CCDC93: variants seen among roughly 807,000 people sequenced by gnomAD.
CCDC93 encodes coiled-coil domain-containing protein 93.
CCDC93 carries 61 observed loss-of-function variants against 108.2 expected under a neutral mutation model. The observed-to-expected ratio is 0.56, with a 90% CI of 0.46 to 0.70. The LOEUF (loss-of-function observed/expected upper bound fraction) is 0.70. Ranked by LOEUF, CCDC93 falls within the 30% of genes least tolerant of loss-of-function variation. CCDC93 has a pLI of 0.00. For synonymous variants in CCDC93, 276 were observed against 260.4 expected, an observed-to-expected ratio of 1.06 and a Z score of -0.58; for missense variants, 685 against 764.2, an observed-to-expected ratio of 0.90 and a Z score of 1.22.
At chr2:117,939,900 G>C (rs905669661) in intron 19 of CCDC93, among the ~76,000 whole-genome samples, 2 of 152,222 alleles carry the variant, frequency 1.3e-5, no homozygotes, top group Non-Finnish European at 2.9e-5. Flanking sequence ...AGATGTGCAA[G>C]AGGGGTGAAG....
intron 6 of CCDC93, among the ~76,000 whole-genome samples, chr2:117,991,606 T>C (rs1366904084): frequency 6.6e-6 from 1 of 152,202 alleles, no homozygotes; most frequent in Admixed American, 6.5e-5. Context: ...ATATAACTCC[T>C]GGAGTGTTAA....
chr2:118,003,510 G>C (rs1676773568), intron 3 of CCDC93, among the ~76,000 whole-genome samples: 1 of 152,134 alleles, frequency 6.6e-6, no homozygotes, highest in South Asian at 2.1e-4. Flanking sequence ...GGTTCAGCAG[G>C]AGGAGAGCTC....
In CCDC93 at chr2:117,923,007, C is replaced by CAA. The variant is rs34776554; in HGVS notation, c.1843-2613_1843-2612dup. 5.3e-4 allele frequency among the ~76,000 whole-genome samples: 71 copies of CAA among 132,930 alleles called. 1 individual carries two copies. The South Asian group carries it at 7.3e-3, about 14-fold the overall frequency. 87.2% of individuals were successfully genotyped at this position (132,930 alleles called of 152,430 possible). On this transcript the variant is annotated intron_variant, in intron 23 of 23. Coordinates refer to ENST00000376300, the MANE Select transcript of CCDC93 (RefSeq NM_019044.5). ...TTAAATTTTTGCCAAGTAATATGTT[C>CAA]AAAAAAAAAAAAGGACTACCCACCA... is the stretch of plus-strand genomic sequence containing the variant.
Position 117,916,659 on chromosome 2 carries a change from G to A in CCDC93, c.*3684C>T, listed in dbSNP as rs1677694990. ...TGCGCAGGGCCACTGGACATGGGCAGGCAATGGGGACGGATGTAAGGCTGG... is the reference window on the plus strand; with the variant it reads ...TGCGCAGGGCCACTGGACATGGGCAAGCAATGGGGACGGATGTAAGGCTGG... On this transcript the variant is annotated 3_prime_UTR_variant, in exon 24 of 24. Transcript: ENST00000376300. 6.6e-6 allele frequency: 1 copy of A among 152,232 alleles called. No homozygotes were observed. Among genetic ancestry groups the A allele is most frequent in the African/African-American group, 2.4e-5 (1 of 41,460 alleles). The allele number at this position is 152,232 out of a possible 1,614,324, so 9.4% of individuals were successfully genotyped here.
At chr2:117,970,458 A>T (rs894319743) in intron 11 of CCDC93, among the ~76,000 whole-genome samples, 8 of 132,816 alleles carry the variant, frequency 6.0e-5, no homozygotes, top group African/African-American at 1.0e-4. Context: ...AAACAAGAAT[A>T]AAAAAAAAAG....
At chr2:117,980,829 T>C (rs534212227) in intron 7 of CCDC93, among the ~76,000 whole-genome samples, 2 of 152,326 alleles carry the variant, frequency 1.3e-5, no homozygotes, top group Admixed American at 6.5e-5. Flanking sequence ...AAAGAAACTC[T>C]GTTACTATTA....
chr2:117,922,549 C>A (rs982407410), intron 23 of CCDC93, among the ~76,000 whole-genome samples: 4 of 152,174 alleles, frequency 2.6e-5, no homozygotes, highest in Non-Finnish European at 5.9e-5. Flanking sequence ...GCCCACGGTG[C>A]ATAACTGTTG....
intron 22 of CCDC93, among the ~76,000 whole-genome samples, chr2:117,933,233 C>T (rs1678403082): frequency 6.6e-6 from 1 of 152,198 alleles, no homozygotes; most frequent in Non-Finnish European, 1.5e-5. Flanking sequence ...AATGATCCAT[C>T]ACCTGGTCTA....
chr2:117,976,996 C>T (rs1351704063), intron 8 of CCDC93, among the ~76,000 whole-genome samples: 2 of 146,616 alleles, frequency 1.4e-5, no homozygotes, highest in South Asian at 2.2e-4. Context: ...AGTGCAGTGG[C>T]GCGATCTTGG....
At chr2:117,995,894 T>G in intron 5 of CCDC93, 1 of 163,656 alleles carries the variant, frequency 6.1e-6, no homozygotes, top group Middle Eastern at 2.9e-3. Context: ...AGCCATAAGA[T>G]GTGCTGAGAC....
chr2:117,989,303 G>A (rs937058564), intron 6 of CCDC93, among the ~76,000 whole-genome samples: 14 of 152,104 alleles, frequency 9.2e-5, no homozygotes, highest in Admixed American at 9.2e-4. Context: ...AGACACATGA[G>A]CCTCCTCTAT....
intron 11 of CCDC93, among the ~76,000 whole-genome samples, chr2:117,970,748 G>C (rs1558788487): frequency 6.6e-6 from 1 of 152,058 alleles, no homozygotes; most frequent in Non-Finnish European, 1.5e-5. Flanking sequence ...AACCATCTTC[G>C]ATCCTCTCAG....
At chr2:117,994,999 A>G (rs1402885189) in intron 6 of CCDC93, among the ~76,000 whole-genome samples, 1 of 152,132 alleles carries the variant, frequency 6.6e-6, no homozygotes, top group Non-Finnish European at 1.5e-5. Context: ...ACTCATTGTG[A>G]TTAAGACGTA....
intron 23 of CCDC93, among the ~76,000 whole-genome samples, chr2:117,927,129 A>C (rs1678139944): frequency 6.6e-6 from 1 of 152,192 alleles, no homozygotes; most frequent in Non-Finnish European, 1.5e-5. Flanking sequence ...TCAAAATAAT[A>C]AGAGCTATCT....
rs537150681 is a variant in CCDC93 at position 117,958,726 on chromosome 2, T to A, written c.889-245A>T. ...GCATGTGTAAAAAAGTACAGGGACA[T>A]AACTGTGGTTATGTCAATATCATAT... On this transcript the variant is annotated intron_variant, in intron 11 of 23. Coordinates refer to ENST00000376300, the MANE Select transcript of CCDC93 (RefSeq NM_019044.5). 1.2e-3 allele frequency among the ~76,000 whole-genome samples: 182 copies of A among 152,320 alleles called. 1 individual carries two copies. The highest frequency in any genetic ancestry group is 4.2e-3 in the African/African-American group (174 of 41,578).
At chr2:117,928,116 C>T (rs1040545818) in intron 23 of CCDC93, among the ~76,000 whole-genome samples, 50 of 152,174 alleles carry the variant, frequency 3.3e-4, no homozygotes, top group Admixed American at 6.5e-4. Context: ...TAATTCAAGA[C>T]GGATTAAAGA....
intron 21 of CCDC93, chr2:117,935,827 A>G (rs1328768870): frequency 2.0e-5 from 7 of 352,558 alleles, no homozygotes; most frequent in Non-Finnish European, 3.1e-5. Flanking sequence ...CTTTCCCTGT[A>G]ACTTTCATAA....
chr2:117,988,180 C>A (rs1339428627), intron 6 of CCDC93, among the ~76,000 whole-genome samples: 1 of 151,968 alleles, frequency 6.6e-6, no homozygotes, highest in African/African-American at 2.4e-5. Context: ...AAAAGGCACA[C>A]ACACAGGGTT....
chr2:117,998,755 G>C (rs1002995767), intron 4 of CCDC93: 1 of 152,136 alleles, frequency 6.6e-6, no homozygotes, highest in Non-Finnish European at 1.5e-5. Flanking sequence ...AATCTCTAGA[G>C]ATCCATGTTT....
Sources: allele counts gnomAD v4.1 joint callset (sites outside exome capture counted in the v4.1 genomes callset), GRCh38; gene constraint gnomAD v4.1.1; transcripts MANE v1.5; gene names NCBI Gene and HGNC (gene_info 2026-07-23, HGNC 2026-07-21).